Variants in ABCB4 observed in about 807,000 individuals in gnomAD.
The protein encoded by ABCB4 is ATP binding cassette subfamily B member 4.
In ABCB4, 76 loss-of-function variants were observed where a neutral mutation model predicts 145.7. The ratio of observed to expected loss-of-function variants is 0.52; its 90% CI spans 0.43 to 0.63. The LOEUF is 0.63. ABCB4 is among the 30% of genes least tolerant of loss of function. The probability of loss-of-function intolerance (pLI) is 0.00; values close to 1 mark genes in which losing one functional copy is unlikely to be tolerated. For missense variants in ABCB4, 1,234 were observed against 1,553.1 expected (o/e 0.79, Z 3.45); for synonymous variants, 517 against 566.8 (o/e 0.91, Z 1.25).
chr7:87,415,091 C>G (rs1054701634), intron 21 of ABCB4, among the ~76,000 whole-genome samples: 2 of 152,224 alleles, frequency 1.3e-5, no homozygotes, highest in Non-Finnish European at 2.9e-5. Context: ...TGACTTGACA[C>G]TCCTCTTGAC....
At chr7:87,373,488 C>A in the ABCB4 span, among the ~76,000 whole-genome samples, 1 of 151,894 alleles carries the variant, frequency 6.6e-6, no homozygotes, top group Non-Finnish European at 1.5e-5. Flanking sequence ...TCTAAGAAAC[C>A]ATTGCCTAAT....
the ABCB4 span, among the ~76,000 whole-genome samples, chr7:87,368,039 C>A: frequency 1.3e-3 from 201 of 152,254 alleles, no homozygotes; most frequent in Non-Finnish European, 2.1e-3. Context: ...CTTTCTGAGG[C>A]CAGTATAATC....
Position 87,409,293 on chromosome 7 carries a change from G to A in ABCB4, c.3024C>T (p.Phe1008=), listed in dbSNP as rs1288322697. The change falls in exon 24 of 28, where the codon TTC becomes TTT. Residue 1008 remains phenylalanine (F), a synonymous_variant. Transcript: ENST00000649586. ...AKAKLSAAHL[F]MLFERQPLID... is the part of the protein sequence containing the mutation. ...TCAGAGGTTGTCTTTCAAACAGCATGAATAAGTGGGCTGCAGACAGCTTAG... is the reference window on the plus strand; with the variant it reads ...TCAGAGGTTGTCTTTCAAACAGCATAAATAAGTGGGCTGCAGACAGCTTAG... 1.2e-6 allele frequency: 2 copies of A among 1,614,112 alleles called. No homozygotes were observed. The highest frequency in any genetic ancestry group is 1.7e-5 in the Admixed American group (1 of 60,022).
chr7:87,453,463 A>G (rs986993433), intron 5 of ABCB4, among the ~76,000 whole-genome samples: 5 of 152,138 alleles, frequency 3.3e-5, no homozygotes, highest in African/African-American at 1.2e-4. Context: ...GGATTATAGC[A>G]TGAGCCACCA....
chr7:87,417,524 G>T lies in ABCB4; in HGVS notation c.2479-9C>A. The stretch of plus-strand genomic sequence containing the variant: ...AACCTGGTTCCTGTGGCCTGGGAGA[G>T]AAAAAGCACAAAGCAACTGTAGTTT... On this transcript the variant is annotated splice_polypyrimidine_tract_variant and intron_variant, in intron 20 of 27. Coordinates refer to ENST00000649586, the MANE Select transcript of ABCB4 (RefSeq NM_000443.4). 6.2e-7 allele frequency: 1 copy of T among 1,613,288 alleles called. No homozygotes were observed. The highest frequency in any genetic ancestry group is 2.2e-5 in the East Asian group (1 of 44,832).
chr7:87,463,631 A>G (rs934934607), intron 3 of ABCB4, among the ~76,000 whole-genome samples: 3 of 152,228 alleles, frequency 2.0e-5, no homozygotes, highest in Non-Finnish European at 4.4e-5. Flanking sequence ...ACTAGAAACT[A>G]CATGGAATGC....
chr7:87,405,925 A>C, intron 26 of ABCB4: 1 of 340,802 alleles, frequency 2.9e-6, no homozygotes, highest in Non-Finnish European at 5.6e-6. Context: ...TAAAGGGTAC[A>C]TAAGATCTCT....
At chr7:87,451,333 G>A (rs1185560667) in intron 7 of ABCB4, among the ~76,000 whole-genome samples, 1 of 151,994 alleles carries the variant, frequency 6.6e-6, no homozygotes, top group Non-Finnish European at 1.5e-5. Flanking sequence ...ACAGAGTTTT[G>A]CCATGTTGTC....
the ABCB4 span, among the ~76,000 whole-genome samples, chr7:87,366,985 T>C: frequency 3.7e-4 from 57 of 152,238 alleles, no homozygotes; most frequent in Non-Finnish European, 7.2e-4. Flanking sequence ...TAACAAACTC[T>C]TGTTTTTCAC....
chr7:87,389,700 A>G, the ABCB4 span, among the ~76,000 whole-genome samples: 2 of 152,212 alleles, frequency 1.3e-5, no homozygotes, highest in African/African-American at 2.4e-5. Context: ...GCAGCAAACC[A>G]TCATGGCACA....
In ABCB4 at chr7:87,439,661, A is replaced by G. The variant is rs1196944714; in HGVS notation, c.1731+6T>C. ...GTGGTCCTTCAGCTTTTTAGAGTCT[A>G]CTGACCTTATCCAGAGCTGCCTGTA... On this transcript the variant is annotated splice_donor_region_variant and intron_variant, in intron 14 of 27. Coordinates refer to ENST00000649586, the MANE Select transcript of ABCB4 (RefSeq NM_000443.4). 3.1e-6 allele frequency: 5 copies of G among 1,614,028 alleles called. No homozygotes were observed. Among genetic ancestry groups the G allele is most frequent in the African/African-American group, 1.3e-5 (1 of 74,918 alleles).
chr7:87,382,607 C>T, the ABCB4 span: 2 of 1,489,866 alleles, frequency 1.3e-6, no homozygotes, highest in Non-Finnish European at 1.8e-6. Flanking sequence ...TTTTTTATAG[C>T]TATTTCATCC....
At chr7:87,450,468 ATT>A (rs373293934) in intron 7 of ABCB4, among the ~76,000 whole-genome samples, 28 of 131,176 alleles carry the variant, frequency 2.1e-4, no homozygotes, top group Admixed American at 6.2e-4. Flanking sequence ...TTGTGTCACA[ATT>A]TTTTTTTTTT....
intron 27 of ABCB4, 92 bp from the exon 28 acceptor site, chr7:87,402,394 A>T: frequency 6.9e-7 from 1 of 1,457,996 alleles, no homozygotes; most frequent in Non-Finnish European, 9.4e-7. Flanking sequence ...CTTTCTAATC[A>T]ACTTTTAATT....
intron 4 of ABCB4, among the ~76,000 whole-genome samples, chr7:87,458,240 GAAA>G (rs1003896553): frequency 6.6e-6 from 1 of 152,182 alleles, no homozygotes; most frequent in African/African-American, 2.4e-5. Context: ...ACACTCTGCA[GAAA>G]AACTGTTTTC....
intron 9 of ABCB4, 141 bp from the exon 10 acceptor site, chr7:87,445,116 T>C (rs888449194): frequency 1.5e-5 from 10 of 655,278 alleles, no homozygotes; most frequent in Middle Eastern, 3.8e-4. Context: ...AAGAGCAACA[T>C]TTGCAAGGCT....
At chr7:87,472,415 G>C (rs1425956447) in intron 3 of ABCB4, among the ~76,000 whole-genome samples, 1 of 152,008 alleles carries the variant, frequency 6.6e-6, no homozygotes, top group Non-Finnish European at 1.5e-5. Flanking sequence ...GTAGAGATGA[G>C]ATCTCACTAT....
At chr7:87,459,416 C>G (rs1812307807) in intron 4 of ABCB4, among the ~76,000 whole-genome samples, 1 of 152,064 alleles carries the variant, frequency 6.6e-6, no homozygotes, top group Non-Finnish European at 1.5e-5. Context: ...TTGAGTGGCT[C>G]ATTTCATTTA....
At chr7:87,414,079 T>C (rs985656327) in intron 21 of ABCB4, among the ~76,000 whole-genome samples, 1 of 152,080 alleles carries the variant, frequency 6.6e-6, no homozygotes, top group African/African-American at 2.4e-5. Context: ...CAAGGCAGAG[T>C]CCTAAAAGAA....
Sources: allele counts gnomAD v4.1 joint callset (sites outside exome capture counted in the v4.1 genomes callset), GRCh38; gene constraint gnomAD v4.1.1; transcripts MANE v1.5; gene names NCBI Gene and HGNC (gene_info 2026-07-23, HGNC 2026-07-21).